Variants in NAV2 observed in about 807,000 individuals in gnomAD.
NAV2 encodes the protein helicase, APC down-regulated 1.
NAV2 carries 54 observed loss-of-function variants against 223.2 expected under a neutral mutation model. The observed-to-expected ratio is 0.24, with a 90% CI of 0.19 to 0.30. The LOEUF is 0.30. Among genes scored for constraint, NAV2 ranks in the 10% least tolerant of loss-of-function variants. The pLI is 1.00. For missense variants in NAV2, 2,806 were observed against 3,147.5 expected (o/e 0.89, Z 2.60); for synonymous variants, 1,279 against 1,239.3 (o/e 1.03, Z -0.67).
At position 20,097,435 on chromosome 11, in the gene NAV2, T is replaced by TC. The variant is rs1426594375; in HGVS notation, c.6013-137dup. 5 of 637,068 alleles carry TC rather than the reference T, an allele frequency of 7.8e-6. No homozygotes were observed. In the African/African-American group the frequency reaches 9.3e-5, roughly 12 times the overall value. 39.5% of individuals were successfully genotyped at this position (637,068 alleles called of 1,614,324 possible). ...TATCCCCTTAGAAAGTCAGTTTTTC[T>TC]CCCCCTCATCCCACAGCTCAATTTC... On this transcript the variant is annotated intron_variant, in intron 30 of 37. Coordinates refer to ENST00000349880, the MANE Select transcript of NAV2 (RefSeq NM_145117.5).
chr11:20,082,826 C>T (rs977701969), intron 25 of NAV2, among the ~76,000 whole-genome samples, 181 bp from the exon 26 acceptor site: 3 of 152,166 alleles, frequency 2.0e-5, no homozygotes, highest in Admixed American at 1.3e-4. Context: ...CTCAAGCTGG[C>T]AACACCAGAT....
chr11:19,504,380 A>G (rs1330209035), intron 1 of NAV2: 1 of 152,230 alleles, frequency 6.6e-6, no homozygotes, highest in Non-Finnish European at 1.5e-5. Context: ...TGTCATAGAA[A>G]TCTGGAGTTT....
In NAV2 at chr11:19,844,859, C is replaced by A. The variant is rs571537367; in HGVS notation, c.438+1936C>A. On this transcript the variant is annotated intron_variant, in intron 3 of 37. Transcript: ENST00000349880. Reference sequence around the variant, plus strand: ...TTTTAGAACACAAGAATATAAAATCCTATAATTGTCTGTGATAATTAGTTC... The same window carrying A: ...TTTTAGAACACAAGAATATAAAATCATATAATTGTCTGTGATAATTAGTTC... 3.8e-3 allele frequency among the ~76,000 whole-genome samples: 570 copies of A among 150,630 alleles called. 1 individual carries two copies. The highest frequency in any genetic ancestry group is 0.013 in the African/African-American group (545 of 41,038).
At chr11:19,981,712 G>A (rs2050305196) in intron 10 of NAV2, among the ~76,000 whole-genome samples, 1 of 152,186 alleles carries the variant, frequency 6.6e-6, no homozygotes. Context: ...CTCTGGCAAA[G>A]TTATGGCATT....
intron 1 of NAV2, among the ~76,000 whole-genome samples, chr11:19,641,386 T>G (rs1354470964): frequency 6.6e-6 from 1 of 152,096 alleles, no homozygotes; most frequent in African/African-American, 2.4e-5. Context: ...TTAGTCCAAG[T>G]GGCCATTACT....
At chr11:19,656,423 C>G (rs868483702) in intron 1 of NAV2, among the ~76,000 whole-genome samples, 1 of 152,124 alleles carries the variant, frequency 6.6e-6, no homozygotes. Flanking sequence ...GTGTGAGGAA[C>G]AGAAAGAAGG....
intron 1 of NAV2, among the ~76,000 whole-genome samples, chr11:19,664,229 T>C (rs78650479): frequency 0.012 from 1,889 of 152,298 alleles, 50 homozygotes; most frequent in African/African-American, 0.043. Context: ...TCCCTCTTTT[T>C]TAGTTTACGC....
intron 1 of NAV2, among the ~76,000 whole-genome samples, chr11:19,354,007 A>G (rs1297563837): frequency 6.6e-6 from 1 of 152,178 alleles, no homozygotes; most frequent in African/African-American, 2.4e-5. Context: ...CCTTCTAGTC[A>G]CTGGATAGAG....
At chr11:19,418,667 C>T (rs889166676) in intron 1 of NAV2, among the ~76,000 whole-genome samples, 9 of 151,952 alleles carry the variant, frequency 5.9e-5, no homozygotes, top group East Asian at 3.9e-4. Context: ...TGGATTGAGA[C>T]GGGGTTGGAA....
At chr11:19,860,693 A>T (rs1398463867) in intron 3 of NAV2, among the ~76,000 whole-genome samples, 2 of 151,930 alleles carry the variant, frequency 1.3e-5, no homozygotes, top group Non-Finnish European at 2.9e-5. Context: ...TGGGAGGTGG[A>T]TGTTGTAGCG....
chr11:19,479,671 A>C (rs2042222299), intron 1 of NAV2, among the ~76,000 whole-genome samples: 1 of 152,212 alleles, frequency 6.6e-6, no homozygotes, highest in Non-Finnish European at 1.5e-5. Context: ...CTAATTAATT[A>C]ATTCATCAAA....
intron 26 of NAV2, 129 bp from the exon 27 acceptor site, chr11:20,090,736 C>A: frequency 1.1e-6 from 1 of 894,310 alleles, no homozygotes; most frequent in Non-Finnish European, 1.7e-6. Flanking sequence ...GGCATTGTCA[C>A]CCACAGGAAG....
chr11:19,970,668 A>G (rs2049158944), intron 10 of NAV2, among the ~76,000 whole-genome samples: 1 of 152,216 alleles, frequency 6.6e-6, no homozygotes, highest in African/African-American at 2.4e-5. Flanking sequence ...ACAAGCCAAC[A>G]GTTATAATAA....
intron 32 of NAV2, among the ~76,000 whole-genome samples, chr11:20,103,012 C>T (rs2061747595): frequency 1.3e-5 from 2 of 152,178 alleles, no homozygotes; most frequent in Non-Finnish European, 1.5e-5. Context: ...TCAAGGTTTC[C>T]ACTCATCAGG....
At chr11:19,393,906 C>CTTTTTTT (rs5790073) in intron 1 of NAV2, among the ~76,000 whole-genome samples, 1 of 135,704 alleles carries the variant, frequency 7.4e-6, no homozygotes, top group African/African-American at 2.8e-5. Flanking sequence ...TTTTTTTTTT[C>CTTTTTTT]TTTTTTTTTT....
intron 1 of NAV2, among the ~76,000 whole-genome samples, chr11:19,485,414 T>A (rs761658164): frequency 6.6e-6 from 1 of 152,178 alleles, no homozygotes; most frequent in South Asian, 2.1e-4. Flanking sequence ...ATCTCTACCC[T>A]CTCTTCTAGC....
At position 19,809,363 on chromosome 11, in the gene NAV2, ATT is replaced by A. The variant is rs2058740837; in HGVS notation, c.268-23120_268-23119del. On this transcript the variant is annotated intron_variant, in intron 1 of 37. Transcript: ENST00000349880. The stretch of plus-strand genomic sequence containing the variant: ...TAAATCCACATGTTATCCATGGAGG[ATT>A]AAGAATTGGGTTTTCAAACCTGGTT... 6.6e-5 allele frequency among the ~76,000 whole-genome samples: 10 copies of A among 152,338 alleles called. 1 individual carries two copies. The South Asian group carries it at 2.1e-3, about 32-fold the overall frequency.
At chr11:19,535,666 G>A (rs537766393) in intron 1 of NAV2, among the ~76,000 whole-genome samples, 16 of 152,220 alleles carry the variant, frequency 1.1e-4, no homozygotes, top group African/African-American at 3.9e-4. Context: ...CACCTCCTTT[G>A]ATCACAGGGT....
intron 11 of NAV2, among the ~76,000 whole-genome samples, chr11:20,028,181 G>A (rs928743212): frequency 6.6e-6 from 1 of 152,176 alleles, no homozygotes; most frequent in African/African-American, 2.4e-5. Flanking sequence ...CATGATTTAT[G>A]CTTCTTTCAC....
Sources: allele counts gnomAD v4.1 joint callset (sites outside exome capture counted in the v4.1 genomes callset), GRCh38; gene constraint gnomAD v4.1.1; transcripts MANE v1.5; gene names NCBI Gene and HGNC (gene_info 2026-07-23, HGNC 2026-07-21).